TNS1: variants seen among roughly 807,000 people sequenced by gnomAD.
TNS1 encodes the protein tensin 1.
TNS1 carries 62 observed loss-of-function variants against 168.6 expected under a neutral mutation model. The ratio of observed to expected loss-of-function variants is 0.37; its 90% CI spans 0.30 to 0.45. The LOEUF (loss-of-function observed/expected upper bound fraction) is 0.45. TNS1 is among the 20% of genes least tolerant of loss of function. The probability of loss-of-function intolerance (pLI) is 1.00; values close to 1 mark genes in which losing one functional copy is unlikely to be tolerated. For synonymous variants in TNS1, 934 were observed against 933.2 expected (o/e 1.00, Z -0.02); for missense variants, 2,240 against 2,339.4 (o/e 0.96, Z 0.88).
intron 1 of TNS1, among the ~76,000 whole-genome samples, chr2:217,994,461 C>T (rs1049689824): frequency 1.3e-5 from 2 of 152,146 alleles, no homozygotes; most frequent in African/African-American, 4.8e-5. Context: ...ACCCACAAGC[C>T]TGTCTCTCCC....
chr2:218,028,210 C>A (rs1203430096), intron 1 of TNS1, among the ~76,000 whole-genome samples: 2 of 152,214 alleles, frequency 1.3e-5, no homozygotes, highest in African/African-American at 2.4e-5. Flanking sequence ...GACTTCCAGC[C>A]ATGCATGAGC....
rs1222674756 is a variant in TNS1, at chr2:217,881,011, A to C, written c.1316T>G (p.Met439Arg). The C allele has an allele frequency of 6.2e-7, 1 of 1,612,824 alleles. No individual in the cohort carries two copies. Among genetic ancestry groups the C allele is most frequent in the African/African-American group, 1.3e-5 (1 of 74,908 alleles). The change falls in exon 18 of 33, where the codon ATG becomes AGG. Residue 439 changes from methionine (M) to arginine (R), a missense_variant. Met to Arg is a moderately conservative substitution (Grantham distance 91, BLOSUM62 -1). Around this residue, in one of 2 missense-constraint regions of TNS1, gnomAD observed 2,131 missense variants for 2,171.2 expected, o/e 0.98. Coordinates refer to ENST00000682258, the MANE Select transcript of TNS1 (RefSeq NM_001387777.1). Reference sequence around the variant, plus strand: ...GCTCGGCCCGTTCTCCAGGTGCTCCATGCCTAAGTGGGATGGGAAAGGCAG... The same window carrying C: ...GCTCGGCCCGTTCTCCAGGTGCTCCCTGCCTAAGTGGGATGGGAAAGGCAG... Reference protein sequence around the residue: ...FSYGPEKIQGMEHLENGPSVS... With the variant: ...FSYGPEKIQGREHLENGPSVS...
intron 4 of TNS1, among the ~76,000 whole-genome samples, chr2:217,917,336 C>T (rs1317870310): frequency 3.9e-5 from 6 of 152,218 alleles, no homozygotes; most frequent in African/African-American, 4.8e-5. Context: ...GTGTGCAAGG[C>T]AGCGGGGACA....
At chr2:218,010,496 C>T (rs1559411434), upstream of TNS1, 6 of 275,368 alleles carry the variant, frequency 2.2e-5, no homozygotes, top group Non-Finnish European at 4.1e-5. Context: ...CCGCGGCTTT[C>T]TCCTCCCCTG....
chr2:217,909,035 G>A (rs1310914890), intron 4 of TNS1, among the ~76,000 whole-genome samples: 1 of 151,920 alleles, frequency 6.6e-6, no homozygotes, highest in Non-Finnish European at 1.5e-5. Context: ...TTAGGACCAG[G>A]TGCTCCCCTC....
At chr2:217,997,758 C>A (rs1449057551) in intron 1 of TNS1, among the ~76,000 whole-genome samples, 1 of 152,208 alleles carries the variant, frequency 6.6e-6, no homozygotes, top group Non-Finnish European at 1.5e-5. Flanking sequence ...TGAGATTATG[C>A]CGTAAAGTCG....
intron 18 of TNS1, among the ~76,000 whole-genome samples, chr2:217,854,912 A>G (rs1947945915): frequency 6.6e-6 from 1 of 152,180 alleles, no homozygotes; most frequent in Non-Finnish European, 1.5e-5. Flanking sequence ...CATAGCTGCC[A>G]TCTTAATGGC....
chr2:217,845,863 C>A (rs1946575758), intron 19 of TNS1, among the ~76,000 whole-genome samples: 1 of 152,144 alleles, frequency 6.6e-6, no homozygotes, highest in African/African-American at 2.4e-5. Context: ...GTATTCTGCT[C>A]CCCCAGAGAG....
At chr2:218,024,998 G>A (rs1958839458) in intron 1 of TNS1, among the ~76,000 whole-genome samples, 1 of 152,230 alleles carries the variant, frequency 6.6e-6, no homozygotes, top group South Asian at 2.1e-4. Flanking sequence ...CCTAATGGCA[G>A]GAGGGCAGGC....
chr2:217,933,635 C>A (rs1037356996), intron 3 of TNS1, among the ~76,000 whole-genome samples: 2 of 152,178 alleles, frequency 1.3e-5, no homozygotes, highest in Non-Finnish European at 1.5e-5. Context: ...ATGGGGGGAA[C>A]AAGAGCAGCC....
intron 3 of TNS1, among the ~76,000 whole-genome samples, chr2:217,941,321 C>T (rs1195002318): frequency 6.6e-6 from 1 of 152,224 alleles, no homozygotes; most frequent in Non-Finnish European, 1.5e-5. Flanking sequence ...GGGGTGAAGC[C>T]TGTGGTGCTT....
At chr2:217,816,495 C>T (rs541043915) in intron 24 of TNS1, among the ~76,000 whole-genome samples, 10 of 152,134 alleles carry the variant, frequency 6.6e-5, no homozygotes, top group Non-Finnish European at 1.3e-4. Context: ...TCCTGGCAGC[C>T]GTGTGCTAAG....
intron 3 of TNS1, among the ~76,000 whole-genome samples, chr2:217,960,875 T>C (rs769289959): frequency 6.0e-4 from 91 of 152,136 alleles, no homozygotes; most frequent in Non-Finnish European, 1.3e-3. Flanking sequence ...CCTCAGTGAC[T>C]GTCTGGTAGC....
intron 1 of TNS1, among the ~76,000 whole-genome samples, chr2:218,016,648 C>T (rs1958763832): frequency 6.6e-6 from 1 of 152,164 alleles, no homozygotes; most frequent in Non-Finnish European, 1.5e-5. Context: ...GGACCCAGGT[C>T]ACACAGACAG....
At chr2:217,935,513 A>G (rs1956558356) in intron 3 of TNS1, among the ~76,000 whole-genome samples, 1 of 150,718 alleles carries the variant, frequency 6.6e-6, no homozygotes, top group Non-Finnish European at 1.5e-5. Flanking sequence ...CACTGCCTCC[A>G]CTCCCACGCT....
rs75375916 is a variant in TNS1 at position 217,880,879 on chromosome 2, G to A, written c.1429+19C>T. ...TGTGCAGTTTGGATAGGGGCTGGGA[G>A]CCACTAGGTCCCACCTACCCTCCAT... On this transcript the variant is annotated intron_variant, in intron 18 of 32. Transcript: ENST00000682258. This position sits in a 1 kb window ranked among gnomAD's most constrained non-coding sequence, Gnocchi z 4.2. 7,470 of 1,575,688 alleles carry A rather than the reference G, an allele frequency of 4.7e-3. 21 individuals carry two copies. Among genetic ancestry groups the A allele is most frequent in the Non-Finnish European group, 5.9e-3 (6,789 of 1,144,990 alleles).
chr2:218,025,981 C>T (rs944046624), intron 1 of TNS1, among the ~76,000 whole-genome samples: 1 of 152,178 alleles, frequency 6.6e-6, no homozygotes, highest in South Asian at 2.1e-4. Flanking sequence ...GGTTACATTG[C>T]GGTGTGAGGC....
At chr2:217,955,368 A>G (rs1256102534) in intron 3 of TNS1, among the ~76,000 whole-genome samples, 2 of 152,138 alleles carry the variant, frequency 1.3e-5, no homozygotes. Context: ...AGAGACATCC[A>G]CGCAGGGAAG....
chr2:217,823,052 C>T (rs1402868829), intron 22 of TNS1, among the ~76,000 whole-genome samples: 2 of 152,238 alleles, frequency 1.3e-5, no homozygotes, highest in African/African-American at 4.8e-5. Flanking sequence ...CTGTGCATCC[C>T]TCAGGAGGCC....
Sources: gnomAD v4.1 joint callset for allele counts (sites outside exome capture counted in the v4.1 genomes callset) on GRCh38, gnomAD v4.1.1 for gene constraint, gnomAD v4.1.1 regional missense constraint, Gnocchi (gnomAD v3.1) non-coding constraint, MANE v1.5 for transcripts, NCBI Gene and HGNC (gene_info 2026-07-23, HGNC 2026-07-21) for gene names.